CEP162: variants seen among roughly 807,000 people sequenced by gnomAD.
CEP162 encodes centrosomal protein of 162 kDa.
Under a neutral mutation model 169.2 loss-of-function variants are expected in CEP162, and 141 were observed. The observed-to-expected ratio is 0.83, with a 90% CI of 0.73 to 0.96. The LOEUF is 0.96. Ranked by LOEUF, CEP162 falls within the 40% of genes least tolerant of loss-of-function variation. CEP162 has a pLI of 0.00. For missense variants in CEP162, 1,600 were observed against 1,587.2 expected, an observed-to-expected ratio of 1.01 and a Z score of -0.14; for synonymous variants, 540 against 526.4, an observed-to-expected ratio of 1.03 and a Z score of -0.35.
intron 11 of CEP162, among the ~76,000 whole-genome samples, chr6:84,191,287 GTTGTAGCC>G (rs1290449647): frequency 6.6e-6 from 1 of 152,200 alleles, no homozygotes; most frequent in Non-Finnish European, 1.5e-5. Context: ...ATTCACTTCA[GTTGTAGCC>G]AATGGTGATA....
chr6:84,185,920 C>T (rs2099536955), intron 12 of CEP162, among the ~76,000 whole-genome samples: 2 of 151,970 alleles, frequency 1.3e-5, no homozygotes, highest in African/African-American at 4.8e-5. Context: ...ATCAAGAATA[C>T]AGGAAAAATA....
At chr6:84,169,059 ACCTGATGAGATGTGACAAATG>A (rs2099528937) in intron 18 of CEP162, among the ~76,000 whole-genome samples, 3 of 152,130 alleles carry the variant, frequency 2.0e-5, no homozygotes. Flanking sequence ...TGATAAATGC[ACCTGATGAGATGTGACAAATG>A]CCTGATGAGA....
rs2099508144 is a variant in CEP162 at position 84,124,480 on chromosome 6, A to G, written c.*590T>C. The G allele has an allele frequency of 6.5e-6, 1 of 152,724 alleles. No homozygotes were observed. The highest frequency in any genetic ancestry group is 2.1e-4 in the South Asian group (1 of 4,848). The allele number at this position is 152,724 out of a possible 1,614,324, so 9.5% of individuals were successfully genotyped here. On this transcript the variant is annotated 3_prime_UTR_variant, in exon 27 of 27. Transcript: ENST00000403245. The stretch of plus-strand genomic sequence containing the variant: ...ATGTGAACTAAATCAGACATAAAAA[A>G]TAAAATATTGCATATATTCTCACTT...
At position 84,163,171 on chromosome 6, in the gene CEP162, C is replaced by G; in HGVS notation, c.2485G>C (p.Ala829Pro). ...GTGACATAAGCAATCTGATCTTTGGCTTGGTCCCTCTCTTTCTTCATTTTT... is the reference window on the plus strand; with the variant it reads ...GTGACATAAGCAATCTGATCTTTGGGTTGGTCCCTCTCTTTCTTCATTTTT... ...FEKMKKERDQ[A>P]KDQIAYVTGE... is the part of the protein sequence containing the mutation. Residue 829 changes from alanine to proline, a missense_variant, in exon 19 of 27, where the codon GCC becomes CCC. By Grantham distance (27) the Ala-to-Pro change is conservative. Transcript: ENST00000403245. 6.2e-7 allele frequency: 1 copy of G among 1,613,346 alleles called. No individual in the cohort carries two copies. The highest frequency in any genetic ancestry group is 8.5e-7 in the Non-Finnish European group (1 of 1,179,574).
At chr6:84,184,913 A>G (rs550855622) in intron 13 of CEP162, among the ~76,000 whole-genome samples, 46 of 152,040 alleles carry the variant, frequency 3.0e-4, no homozygotes, top group Admixed American at 9.2e-4. Flanking sequence ...CTACTCAGTC[A>G]TAGCTTTCCC....
At chr6:84,197,816 C>CAAAAA (rs2099542782) in intron 9 of CEP162, among the ~76,000 whole-genome samples, 2 of 71,846 alleles carry the variant, frequency 2.8e-5, no homozygotes, top group African/African-American at 1.4e-4. Context: ...GATTCTGCCT[C>CAAAAA]AAACAAAACA....
At chr6:84,140,040 A>G (rs929404628) in intron 25 of CEP162, among the ~76,000 whole-genome samples, 10 of 150,342 alleles carry the variant, frequency 6.7e-5, no homozygotes, top group Admixed American at 4.6e-4. Context: ...ATCTTGTTTT[A>G]TGTCCTGAGA....
At position 84,155,454 on chromosome 6, in the gene CEP162, T is replaced by A; in HGVS notation, c.2838A>T (p.Leu946Phe). 1 of 1,613,292 alleles carries A rather than the reference T, an allele frequency of 6.2e-7. No individual in the cohort carries two copies. Among genetic ancestry groups the A allele is most frequent in the Non-Finnish European group, 8.5e-7 (1 of 1,179,404 alleles). Residue 946 changes from leucine to phenylalanine, a missense_variant, in exon 22 of 27, where the codon TTA (leucine) becomes TTT (phenylalanine). Leu to Phe is a conservative substitution (Grantham distance 22). Coordinates refer to ENST00000403245, the MANE Select transcript of CEP162 (RefSeq NM_014895.4). ...CACCAGCTGCTGATGCAGCCAATAT[T>A]AAAGCAGGTAAAGAATTGGGATATC... is the stretch of plus-strand genomic sequence containing the variant. ...KRRYPNSLPA[L>F]ILAASAAGDT...
At chr6:84,160,681 T>A (rs982707392) in intron 21 of CEP162, 131 bp downstream of exon 21, 5 of 606,428 alleles carry the variant, frequency 8.2e-6, no homozygotes, top group Non-Finnish European at 1.5e-5. Flanking sequence ...TTATTACTTT[T>A]ACTAATGTAA....
chr6:84,224,989 A>T (rs75351648), intron 2 of CEP162, among the ~76,000 whole-genome samples: 1,524 of 152,332 alleles, frequency 0.01, 27 homozygotes, highest in African/African-American at 0.034. Flanking sequence ...ATGCTTTTTT[A>T]AATCCTTAAA....
intron 25 of CEP162, among the ~76,000 whole-genome samples, chr6:84,135,975 G>A (rs1269822809): frequency 1.3e-5 from 2 of 152,218 alleles, no homozygotes; most frequent in African/African-American, 2.4e-5. Flanking sequence ...CACTTTGCTA[G>A]AGGAATTGTG....
At chr6:84,147,933 AT>A (rs1412569317) in intron 24 of CEP162, among the ~76,000 whole-genome samples, 2 of 152,178 alleles carry the variant, frequency 1.3e-5, no homozygotes, top group African/African-American at 4.8e-5. Flanking sequence ...ATTTTTAATG[AT>A]CAGACTATGC....
At chr6:84,210,178 T>A (rs1459835814) in intron 6 of CEP162, among the ~76,000 whole-genome samples, 1 of 152,238 alleles carries the variant, frequency 6.6e-6, no homozygotes, top group Admixed American at 6.5e-5. Context: ...TGGGTTTCTA[T>A]GATTCTCTAT....
chr6:84,193,607 AC>A lies in CEP162; in HGVS notation c.1109+1del, dbSNP rs1263600600. 2 of 1,530,914 alleles carry A rather than the reference AC, an allele frequency of 1.3e-6. No homozygotes were observed. The highest frequency in any genetic ancestry group is 4.0e-5 in the Admixed American group (2 of 50,480). The allele number at this position is 1,530,914 out of a possible 1,614,324, so 94.8% of individuals were successfully genotyped here. A position where few individuals can be genotyped will look rare whatever the true frequency, so the allele number is the denominator to read the frequency against. On this transcript the variant is annotated splice_donor_variant, in intron 11 of 26. Coordinates refer to ENST00000403245, the MANE Select transcript of CEP162 (RefSeq NM_014895.4). LOFTEE classifies it high-confidence loss of function. Reference sequence around the variant, plus strand: ...ACAAAACAATAAATAAAAAATTCATACCTGACAGGTTGTAAATCAAAACCAC... The same window carrying A: ...ACAAAACAATAAATAAAAAATTCATACTGACAGGTTGTAAATCAAAACCAC...
At chr6:84,204,752 A>G (rs1300913630) in intron 6 of CEP162, among the ~76,000 whole-genome samples, 5 of 152,158 alleles carry the variant, frequency 3.3e-5, no homozygotes, top group African/African-American at 1.2e-4. Flanking sequence ...AGGAGATACA[A>G]ACACAAAAAA....
chr6:84,140,889 A>G (rs1170453591), intron 25 of CEP162, among the ~76,000 whole-genome samples: 1 of 152,156 alleles, frequency 6.6e-6, no homozygotes, highest in Non-Finnish European at 1.5e-5. Context: ...ACTTTTTGGT[A>G]CCAGGGACTG....
chr6:84,214,234 G>A (rs776262303), intron 5 of CEP162, among the ~76,000 whole-genome samples: 11 of 152,276 alleles, frequency 7.2e-5, no homozygotes, highest in African/African-American at 2.2e-4. Context: ...AGCCAAGATC[G>A]TGCCACTGCA....
chr6:84,225,287 A>G (rs745591527), intron 2 of CEP162, among the ~76,000 whole-genome samples: 1 of 152,226 alleles, frequency 6.6e-6, no homozygotes, highest in African/African-American at 2.4e-5. Flanking sequence ...CCTAGGCTAT[A>G]TGGTATAGCT....
rs545041697 is a variant in CEP162 at position 84,147,856 on chromosome 6, A to G, written c.3772-1071T>C. 7.2e-5 allele frequency among the ~76,000 whole-genome samples: 11 copies of G among 152,308 alleles called. No homozygotes were observed. The South Asian group carries it at 2.3e-3, about 32-fold the overall frequency. ...CATATCTTTAGGTAAACTGAAATAT[A>G]TGAACAGATACTTCCATCAAGAAAC... is the stretch of plus-strand genomic sequence containing the variant. On this transcript the variant is annotated intron_variant, in intron 24 of 26. Coordinates refer to ENST00000403245, the MANE Select transcript of CEP162 (RefSeq NM_014895.4).
Sources: allele counts gnomAD v4.1 joint callset (sites outside exome capture counted in the v4.1 genomes callset), GRCh38; gene constraint gnomAD v4.1.1; transcripts MANE v1.5; gene names NCBI Gene and HGNC (gene_info 2026-07-23, HGNC 2026-07-21).